Variants in DDX52 observed in about 807,000 individuals in gnomAD.
DDX52 encodes the protein DExD-box helicase 52, also known as probable ATP-dependent RNA helicase DDX52.
DDX52 carries 59 observed loss-of-function variants against 76.1 expected under a neutral mutation model. The observed-to-expected ratio is 0.78, with a 90% CI of 0.63 to 0.96. The LOEUF (loss-of-function observed/expected upper bound fraction) is 0.96. Among genes scored for constraint, DDX52 ranks in the 40% least tolerant of loss-of-function variants. The pLI is 0.00. For missense variants in DDX52, 707 were observed against 703.9 expected, an observed-to-expected ratio of 1.00 and a Z score of -0.05; for synonymous variants, 231 against 244.1, an observed-to-expected ratio of 0.95 and a Z score of 0.50.
At chr17:37,614,587 G>C (rs1400960036) in intron 14 of DDX52, among the ~76,000 whole-genome samples, 1 of 152,216 alleles carries the variant, frequency 6.6e-6, no homozygotes, top group African/African-American at 2.4e-5. Flanking sequence ...TGACACATAG[G>C]TTCGGATCCT....
intron 2 of DDX52, among the ~76,000 whole-genome samples, chr17:37,641,260 G>A (rs930223258): frequency 6.6e-6 from 1 of 152,056 alleles, no homozygotes; most frequent in African/African-American, 2.4e-5. Context: ...AAATTAGCCA[G>A]GTGTGGTGGC....
Position 37,630,059 on chromosome 17 carries a change from T to G in DDX52, c.718A>C (p.Ile240Leu), listed in dbSNP as rs757918632. The part of the protein sequence containing the change: ...PANKGFRALI[I>L]SPTRELASQI... ...CTGGCAAGTTCTCGTGTTGGTGATATAATCAGGGCTCTGAAGCCTTTATTT... is the reference window on the plus strand; with the variant it reads ...CTGGCAAGTTCTCGTGTTGGTGATAGAATCAGGGCTCTGAAGCCTTTATTT... Residue 240 changes from isoleucine to leucine, a missense_variant, in exon 5 of 15, where the codon ATA (isoleucine) becomes CTA (leucine). Ile to Leu is a conservative substitution (Grantham distance 5). Transcript: ENST00000617633. The G allele has an allele frequency of 6.2e-7, 1 of 1,612,972 alleles. No individual in the cohort carries two copies. The highest frequency in any genetic ancestry group is 8.5e-7 in the Non-Finnish European group (1 of 1,179,708).
chr17:37,634,106 G>A (rs938286576), intron 2 of DDX52, among the ~76,000 whole-genome samples: 13 of 151,422 alleles, frequency 8.6e-5, no homozygotes, highest in Middle Eastern at 6.8e-3. Flanking sequence ...CACCATGCCC[G>A]GCTAATTTTG....
rs1209023837 is a variant in DDX52, at chr17:37,613,283, T to C, written c.*1013A>G. ...AGTCTCCAACACCATATGATCATAA[T>C]CCTTTAGCTTAAGTAGAGATCTACT... On this transcript the variant is annotated 3_prime_UTR_variant, in exon 15 of 15. Transcript: ENST00000617633. The C allele has an allele frequency of 6.6e-6, 1 of 152,198 alleles. No homozygotes were observed. Among genetic ancestry groups the C allele is most frequent in the Non-Finnish European group, 1.5e-5 (1 of 68,032 alleles). The allele number at this position is 152,198 out of a possible 1,614,324, so 9.4% of individuals were successfully genotyped here.
Position 37,614,128 on chromosome 17 carries a change from G to T in DDX52, c.*168C>A. ...GAAAAAAAAAAGGCACCTACAAATT[G>T]AAACTGACTTGATAGTTTAGGATCA... On this transcript the variant is annotated 3_prime_UTR_variant, in exon 15 of 15. Transcript: ENST00000617633. 2 of 681,512 alleles carry T rather than the reference G, an allele frequency of 2.9e-6. No individual in the cohort carries two copies. Among genetic ancestry groups the T allele is most frequent in the East Asian group, 3.2e-5 (1 of 31,636 alleles). 42.2% of individuals were successfully genotyped at this position (681,512 alleles called of 1,614,324 possible).
At chr17:37,623,067 T>C (rs2030186341) in intron 9 of DDX52, among the ~76,000 whole-genome samples, 1 of 152,290 alleles carries the variant, frequency 6.6e-6, no homozygotes, top group South Asian at 2.1e-4. Context: ...AACCATTCTA[T>C]AGTCACCAGG....
chr17:37,630,234 T>C, intron 4 of DDX52, 61 bp from the exon 5 acceptor site: 1 of 1,450,214 alleles, frequency 6.9e-7, no homozygotes. Context: ...CAGAGCCTGG[T>C]CAAATAACGC....
rs1439625143 is a variant in DDX52, at chr17:37,626,782, C to G, written c.932+6G>C. On this transcript the variant is annotated splice_donor_region_variant and intron_variant, in intron 7 of 14. Coordinates refer to ENST00000617633, the MANE Select transcript of DDX52 (RefSeq NM_007010.5). ...CACACGAAAGACATGAAAATATCAT[C>G]TATACCTTGCTAGGTCGATTCCGGG... 1 of 1,607,738 alleles carries G rather than the reference C, an allele frequency of 6.2e-7. No homozygotes were observed. Among genetic ancestry groups the G allele is most frequent in the Non-Finnish European group, 8.5e-7 (1 of 1,176,774 alleles).
chr17:37,630,390 T>C (rs1342438560), intron 4 of DDX52, among the ~76,000 whole-genome samples: 2 of 152,324 alleles, frequency 1.3e-5, no homozygotes, highest in East Asian at 1.9e-4. Flanking sequence ...TTTGAATGAG[T>C]GTAAAGAATA....
In DDX52 at chr17:37,642,177, T is replaced by C. The variant is rs1381853648; in HGVS notation, c.219A>G (p.Lys73=). The C allele has an allele frequency of 1.2e-6, 2 of 1,614,176 alleles. No individual in the cohort carries two copies. Among genetic ancestry groups the C allele is most frequent in the South Asian group, 2.2e-5 (2 of 91,082 alleles). ...TCCTTTCAGTTAGGCTCTCTTCTTT[T>C]TTCTCTCCATTTTGGGGCTTCTGAT... ...QTHQKPQNGE[K]KEESLTERKR... The change falls in exon 2 of 15, where the codon AAA becomes AAG. Residue 73 remains lysine (K), a synonymous_variant. Transcript: ENST00000617633.
intron 9 of DDX52, among the ~76,000 whole-genome samples, chr17:37,621,730 T>G (rs117033918): frequency 2.6e-5 from 4 of 152,304 alleles, no homozygotes; most frequent in African/African-American, 4.8e-5. Flanking sequence ...ATATTCTCCA[T>G]CTTGCTAATT....
chr17:37,625,088 C>T (rs918338729), intron 8 of DDX52, among the ~76,000 whole-genome samples: 1 of 152,032 alleles, frequency 6.6e-6, no homozygotes, highest in Admixed American at 6.6e-5. Context: ...CCACTGCAAC[C>T]TCCACCTCCC....
intron 3 of DDX52, among the ~76,000 whole-genome samples, chr17:37,632,755 G>C (rs1473827673): frequency 6.6e-6 from 1 of 152,176 alleles, no homozygotes; most frequent in African/African-American, 2.4e-5. Flanking sequence ...GGTTACTGAA[G>C]CATTGCCATA....
chr17:37,620,086 A>G lies in DDX52; in HGVS notation c.1578-247T>C, dbSNP rs190246829. Reference sequence around the variant, plus strand: ...GCTATTTCAACATTTATCAAGCCCTACAAAACTGGTAAACTCAATCTTGGA... The same window carrying G: ...GCTATTTCAACATTTATCAAGCCCTGCAAAACTGGTAAACTCAATCTTGGA... On this transcript the variant is annotated intron_variant, in intron 12 of 14. Transcript: ENST00000617633. The G allele has an allele frequency of 2.2e-5, 9 of 406,396 alleles. No individual in the cohort carries two copies. The East Asian group carries it at 3.5e-4, about 16-fold the overall frequency. The allele number at this position is 406,396 out of a possible 1,614,324, so 25.2% of individuals were successfully genotyped here.
At chr17:37,624,916 A>G (rs1003460198) in intron 8 of DDX52, among the ~76,000 whole-genome samples, 3 of 152,096 alleles carry the variant, frequency 2.0e-5, no homozygotes, top group African/African-American at 7.2e-5. Context: ...AATTATTTTT[A>G]TCTAAATATA....
At chr17:37,626,630 T>C (rs962792326) in intron 7 of DDX52, among the ~76,000 whole-genome samples, 158 bp downstream of exon 7, 1 of 152,220 alleles carries the variant, frequency 6.6e-6, no homozygotes, top group African/African-American at 2.4e-5. Context: ...CCATTTCTTT[T>C]CTATGAATTT....
chr17:37,623,443 A>T (rs1209448560), intron 9 of DDX52, among the ~76,000 whole-genome samples: 1 of 152,114 alleles, frequency 6.6e-6, no homozygotes, highest in Admixed American at 6.6e-5. Flanking sequence ...AAACAAAATT[A>T]TGTAGTCACA....
At position 37,640,926 on chromosome 17, in the gene DDX52, G is replaced by A. The variant is rs115512563; in HGVS notation, c.286+1184C>T. 9.3e-3 allele frequency among the ~76,000 whole-genome samples: 1,411 copies of A among 152,242 alleles called. 23 individuals carry two copies. Among genetic ancestry groups the A allele is most frequent in the African/African-American group, 0.032 (1,338 of 41,528 alleles). ...TTGAACCTGGGAGGCAGAGGTTGCA[G>A]TGAGCGGAAAACATGCCATTGCACT... On this transcript the variant is annotated intron_variant, in intron 2 of 14. Coordinates refer to ENST00000617633, the MANE Select transcript of DDX52 (RefSeq NM_007010.5).
Position 37,614,291 on chromosome 17 carries a change from T to C in DDX52, c.*5A>G. ...TTTCTGGGACAGTATTTTTAAAGTCTGTTTTTAACTTTTGTCTTCAAGAGC... is the reference window on the plus strand; with the variant it reads ...TTTCTGGGACAGTATTTTTAAAGTCCGTTTTTAACTTTTGTCTTCAAGAGC... On this transcript the variant is annotated 3_prime_UTR_variant, in exon 15 of 15. Coordinates refer to ENST00000617633, the MANE Select transcript of DDX52 (RefSeq NM_007010.5). 1 of 1,611,854 alleles carries C rather than the reference T, an allele frequency of 6.2e-7. No homozygotes were observed.
Sources: gnomAD v4.1 joint callset for allele counts (sites outside exome capture counted in the v4.1 genomes callset) on GRCh38, gnomAD v4.1.1 for gene constraint, MANE v1.5 for transcripts, NCBI Gene and HGNC (gene_info 2026-07-23, HGNC 2026-07-21) for gene names.